The following STAG1 variants were observed in gnomAD, a reference collection of about 807,000 sequenced individuals.
The protein encoded by STAG1 is STAG1 cohesin complex component.
A neutral mutation model predicts 170.9 loss-of-function variants in STAG1; 26 were observed. That is an observed-to-expected ratio of 0.15 (90% confidence interval 0.11 to 0.21). The LOEUF (loss-of-function observed/expected upper bound fraction) is 0.21, where lower values mean the gene tolerates loss of function less well. Among genes scored for constraint, STAG1 ranks in the 10% least tolerant of loss-of-function variants. STAG1 has a pLI of 1.00. For synonymous variants in STAG1, 514 were observed against 497.7 expected, an observed-to-expected ratio of 1.03 and a Z score of -0.44; for missense variants, 964 against 1,509.5, an observed-to-expected ratio of 0.64 and a Z score of 5.99.
chr3:136,449,625 G>T (rs2088880124), intron 14 of STAG1, among the ~76,000 whole-genome samples: 1 of 151,756 alleles, frequency 6.6e-6, no homozygotes, highest in Non-Finnish European at 1.5e-5. Context: ...TAATTCTGTT[G>T]TAAGACTTTA....
chr3:136,473,111 C>A (rs1008423275), intron 11 of STAG1, among the ~76,000 whole-genome samples: 1 of 151,948 alleles, frequency 6.6e-6, no homozygotes, highest in Non-Finnish European at 1.5e-5. Flanking sequence ...CTGTGAACTG[C>A]GCATGCAAGG....
chr3:136,429,059 C>A (rs2088216214), intron 16 of STAG1, among the ~76,000 whole-genome samples: 1 of 152,114 alleles, frequency 6.6e-6, no homozygotes, highest in Admixed American at 6.5e-5. Context: ...ATTACTTGAA[C>A]CCATGAGGCA....
chr3:136,738,487 T>C (rs941029882), intron 1 of STAG1, among the ~76,000 whole-genome samples: 1 of 152,016 alleles, frequency 6.6e-6, no homozygotes, highest in Non-Finnish European at 1.5e-5. Flanking sequence ...CAAGACTCCA[T>C]ATCAAAAATA....
intron 22 of STAG1, among the ~76,000 whole-genome samples, chr3:136,380,778 G>C (rs1937910377): frequency 1.3e-5 from 2 of 151,870 alleles, no homozygotes; most frequent in South Asian, 4.2e-4. Context: ...CGAGCACTTT[G>C]GGAGGCTGAG....
intron 1 of STAG1, among the ~76,000 whole-genome samples, chr3:136,674,823 T>C (rs1397262378): frequency 6.6e-6 from 1 of 152,204 alleles, no homozygotes; most frequent in East Asian, 1.9e-4. Context: ...AAGACTTGCA[T>C]AATTAGTTCT....
intron 13 of STAG1, among the ~76,000 whole-genome samples, chr3:136,456,683 A>T (rs35375192): frequency 6.6e-6 from 1 of 151,984 alleles, no homozygotes; most frequent in African/African-American, 2.4e-5. Flanking sequence ...AATTCAACCC[A>T]AAGAGGAATT....
At position 136,475,468 on chromosome 3, in the gene STAG1, C is replaced by T. The variant is rs559104024; in HGVS notation, c.1026+1821G>A. 2.6e-5 allele frequency among the ~76,000 whole-genome samples: 4 copies of T among 152,208 alleles called. No homozygotes were observed. The South Asian group carries it at 8.3e-4, about 32-fold the overall frequency. ...AGCCAACAGGTTACTCTTGAGAGTA[C>T]AAACCTCGCAACATCACCAGCACAA... On this transcript the variant is annotated intron_variant, in intron 10 of 33. Coordinates refer to ENST00000383202, the MANE Select transcript of STAG1 (RefSeq NM_005862.3).
chr3:136,408,451 A>G (rs2087542345), intron 21 of STAG1, among the ~76,000 whole-genome samples: 1 of 151,930 alleles, frequency 6.6e-6, no homozygotes, highest in Admixed American at 6.6e-5. Context: ...GTGATCCACA[A>G]AAGAAAGTAT....
intron 14 of STAG1, among the ~76,000 whole-genome samples, chr3:136,447,488 AAAG>A (rs1344472757): frequency 2.6e-5 from 4 of 152,052 alleles, no homozygotes; most frequent in African/African-American, 4.8e-5. Flanking sequence ...AACAATAAAA[AAAG>A]AAGAAGGGTG....
intron 9 of STAG1, among the ~76,000 whole-genome samples, chr3:136,493,538 C>T (rs961961110): frequency 6.6e-6 from 1 of 151,386 alleles, no homozygotes; most frequent in Non-Finnish European, 1.5e-5. Context: ...GCTTGTAGTC[C>T]CAACTACTCA....
intron 21 of STAG1, 88 bp downstream of exon 21, chr3:136,417,797 A>G (rs964380893): frequency 4.2e-6 from 4 of 945,904 alleles, no homozygotes; most frequent in Admixed American, 3.8e-5. Flanking sequence ...ATCGTCAATT[A>G]CTTTCTATAA....
intron 1 of STAG1, among the ~76,000 whole-genome samples, chr3:136,648,818 T>C (rs940420886): frequency 4.6e-5 from 7 of 152,324 alleles, no homozygotes; most frequent in Middle Eastern, 3.4e-3. Flanking sequence ...TGCTGTCCTG[T>C]TGAATATTTC....
At chr3:136,548,526 T>A (rs1455470550) in intron 5 of STAG1, among the ~76,000 whole-genome samples, 1 of 152,174 alleles carries the variant, frequency 6.6e-6, no homozygotes, top group African/African-American at 2.4e-5. Context: ...TCTCTGTGAT[T>A]CCATATGAAG....
At chr3:136,380,521 T>G (rs577248863) in intron 22 of STAG1, among the ~76,000 whole-genome samples, 61 of 152,188 alleles carry the variant, frequency 4.0e-4, no homozygotes, top group African/African-American at 1.4e-3. Context: ...ATTACAGGCG[T>G]GAGCCACCGT....
intron 1 of STAG1, among the ~76,000 whole-genome samples, chr3:136,697,497 C>A (rs757594164): frequency 6.6e-6 from 1 of 152,154 alleles, no homozygotes; most frequent in East Asian, 1.9e-4. Context: ...TGAGATCCAG[C>A]CACCAGCATT....
At chr3:136,599,536 T>TAAATA (rs563949490) in intron 4 of STAG1, among the ~76,000 whole-genome samples, 85 of 151,924 alleles carry the variant, frequency 5.6e-4, no homozygotes, top group African/African-American at 2.0e-3. Flanking sequence ...GTCTCAAAAA[T>TAAATA]AAATAAAATA....
At position 136,338,008 on chromosome 3, in the gene STAG1, G is replaced by GT. The variant is rs1166898713; in HGVS notation, c.*245_*246insA. The GT allele has an allele frequency of 6.4e-6, 3 of 466,946 alleles. No homozygotes were observed. Among genetic ancestry groups the GT allele is most frequent in the African/African-American group, 6.0e-5 (3 of 50,246 alleles). 28.9% of individuals were successfully genotyped at this position (466,946 alleles called of 1,614,324 possible). ...AGAAAAACACACACATCTGTATTGG[G>GT]ATAAGTCCAATAGTAGGACACAAAT... On this transcript the variant is annotated 3_prime_UTR_variant, in exon 34 of 34. Transcript: ENST00000383202.
At chr3:136,433,788 C>T in intron 15 of STAG1, 129 bp from the exon 16 acceptor site, 1 of 640,830 alleles carries the variant, frequency 1.6e-6, no homozygotes, top group Non-Finnish European at 2.6e-6. Context: ...AAGTTAAGCT[C>T]TGTACTTTGC....
chr3:136,565,842 C>T (rs1027607287), intron 5 of STAG1, among the ~76,000 whole-genome samples: 2 of 152,164 alleles, frequency 1.3e-5, no homozygotes, highest in African/African-American at 4.8e-5. Context: ...GATTATTATT[C>T]AGCCCTAAAC....
Sources: gnomAD v4.1 joint callset for allele counts (sites outside exome capture counted in the v4.1 genomes callset) on GRCh38, gnomAD v4.1.1 for gene constraint, MANE v1.5 for transcripts, NCBI Gene and HGNC (gene_info 2026-07-23, HGNC 2026-07-21) for gene names.